Variants in GLI3 observed in about 807,000 individuals in gnomAD.
GLI3 encodes GLI family zinc finger 3, also known as transcription activator GLI3.
GLI3 carries 20 observed loss-of-function variants against 100.8 expected under a neutral mutation model. The ratio of observed to expected loss-of-function variants is 0.20; its 90% CI spans 0.14 to 0.29. The LOEUF (loss-of-function observed/expected upper bound fraction) is 0.29. Among genes scored for constraint, GLI3 ranks in the 10% least tolerant of loss-of-function variants. GLI3 has a pLI of 1.00. For synonymous variants in GLI3, 938 were observed against 860.5 expected (o/e 1.09, Z -1.58); for missense variants, 2,040 against 2,128.5 (o/e 0.96, Z 0.82).
At chr7:42,128,615 TA>T (rs1343542462) in intron 3 of GLI3, among the ~76,000 whole-genome samples, 1 of 152,104 alleles carries the variant, frequency 6.6e-6, no homozygotes, top group Admixed American at 6.5e-5. Context: ...TCTTAAAAAC[TA>T]AAAGTAAGAA....
Position 42,023,562 on chromosome 7 carries a change from T to C in GLI3, c.1403A>G (p.Asp468Gly), listed in dbSNP as rs768918002. ...TTLVKEEGDK[D>G]ESKQEPEVIY... ...GACTTCAGGCTCCTGTTTGCTTTCA[T>C]CTTTGTCCCCTTCCTCCTTGACAAG... The change falls in exon 10 of 15, where the codon GAT (aspartate) becomes GGT (glycine). Residue 468 changes from aspartate (D) to glycine (G), a missense_variant. Coordinates refer to ENST00000395925, the MANE Select transcript of GLI3 (RefSeq NM_000168.6). 2 of 1,613,896 alleles carry C rather than the reference T, an allele frequency of 1.2e-6. No individual in the cohort carries two copies. Among genetic ancestry groups the C allele is most frequent in the Non-Finnish European group, 1.7e-6 (2 of 1,179,900 alleles).
intron 10 of GLI3, among the ~76,000 whole-genome samples, chr7:42,014,624 G>A (rs922980399): frequency 1.3e-5 from 2 of 152,098 alleles, no homozygotes; most frequent in African/African-American, 4.8e-5. Context: ...TCCATGAGAT[G>A]TATCTTTCAT....
intron 7 of GLI3, among the ~76,000 whole-genome samples, chr7:42,039,363 T>G (rs1418568342): frequency 1.3e-5 from 2 of 152,214 alleles, no homozygotes; most frequent in African/African-American, 2.4e-5. Context: ...AAAACAGACA[T>G]GAGGTGCTTC....
At chr7:42,233,597 AATTTC>A (rs1406604149) in intron 1 of GLI3, among the ~76,000 whole-genome samples, 1 of 152,258 alleles carries the variant, frequency 6.6e-6, no homozygotes, top group Non-Finnish European at 1.5e-5. Flanking sequence ...CAAAGTGTGA[AATTTC>A]ATTTAAAGTC....
At chr7:42,101,924 G>C (rs1446697984) in intron 3 of GLI3, among the ~76,000 whole-genome samples, 1 of 143,434 alleles carries the variant, frequency 7.0e-6, no homozygotes, top group African/African-American at 2.8e-5. Flanking sequence ...CTATGAGTGA[G>C]AATATGCGGT....
intron 1 of GLI3, among the ~76,000 whole-genome samples, chr7:42,226,891 TAGTC>T (rs1788591693): frequency 6.6e-6 from 1 of 152,192 alleles, no homozygotes; most frequent in African/African-American, 2.4e-5. Context: ...TTTCAGGGAA[TAGTC>T]AGGAGCTTGG....
intron 3 of GLI3, among the ~76,000 whole-genome samples, chr7:42,091,496 C>G (rs1159507926): frequency 6.6e-6 from 1 of 152,258 alleles, no homozygotes; most frequent in Admixed American, 6.5e-5. Context: ...AACCCCACGA[C>G]GATGCTCTCT....
At chr7:42,205,248 T>C (rs943894085) in intron 2 of GLI3, among the ~76,000 whole-genome samples, 1 of 152,156 alleles carries the variant, frequency 6.6e-6, no homozygotes, top group African/African-American at 2.4e-5. Flanking sequence ...ACACATACCT[T>C]CTCTCTTTGA....
At chr7:42,080,124 A>G (rs907422772) in intron 3 of GLI3, among the ~76,000 whole-genome samples, 2 of 152,142 alleles carry the variant, frequency 1.3e-5, no homozygotes, top group African/African-American at 4.8e-5. Flanking sequence ...TCAGGGTTTA[A>G]ATTTTCTCTC....
At chr7:42,168,894 G>T (rs1305806945) in intron 2 of GLI3, among the ~76,000 whole-genome samples, 1 of 152,006 alleles carries the variant, frequency 6.6e-6, no homozygotes, top group African/African-American at 2.4e-5. Context: ...CTCCAGTCTG[G>T]ACAATGAAGT....
intron 1 of GLI3, among the ~76,000 whole-genome samples, chr7:42,231,544 A>T (rs1338909898): frequency 6.6e-6 from 1 of 152,190 alleles, no homozygotes; most frequent in Non-Finnish European, 1.5e-5. Context: ...ATGGAATTTC[A>T]TTGTAGTATC....
In GLI3 at chr7:41,972,386, T is replaced by C; in HGVS notation, c.2054A>G (p.Lys685Arg). ...TTTCACCTGGAGGCATTCTTCCCGCTTTGAGGTAGTGTTGCTGAGGTCCTG... is the reference window on the plus strand; with the variant it reads ...TTTCACCTGGAGGCATTCTTCCCGCCTTGAGGTAGTGTTGCTGAGGTCCTG... ...EQQDLSNTTS[K>R]REECLQVKTV... Residue 685 changes from lysine (K) to arginine (R), a missense_variant, in exon 13 of 15, where the codon AAG becomes AGG. Lys to Arg is a conservative substitution (Grantham distance 26). Coordinates refer to ENST00000395925, the MANE Select transcript of GLI3 (RefSeq NM_000168.6). The surrounding 1 kb of genome is among the most constrained non-coding windows in gnomAD (Gnocchi z 4.4). The C allele has an allele frequency of 6.2e-7, 1 of 1,614,026 alleles. No individual in the cohort carries two copies. The highest frequency in any genetic ancestry group is 8.5e-7 in the Non-Finnish European group (1 of 1,180,006).
chr7:42,154,818 C>A (rs1786961681), intron 2 of GLI3, among the ~76,000 whole-genome samples: 1 of 152,174 alleles, frequency 6.6e-6, no homozygotes, highest in Non-Finnish European at 1.5e-5. Flanking sequence ...GCTTGGCTTC[C>A]AAAGGGCGTG....
At chr7:42,124,826 A>C (rs1453759865) in intron 3 of GLI3, among the ~76,000 whole-genome samples, 1 of 152,222 alleles carries the variant, frequency 6.6e-6, no homozygotes, top group Non-Finnish European at 1.5e-5. Flanking sequence ...AGTCAGAAAT[A>C]AAATCTGCCA....
chr7:42,100,382 A>G (rs1785433247), intron 3 of GLI3, among the ~76,000 whole-genome samples: 1 of 152,228 alleles, frequency 6.6e-6, no homozygotes, highest in Non-Finnish European at 1.5e-5. Context: ...TGCAGAAGCA[A>G]TCAGGTTAGA....
chr7:42,095,886 AG>A (rs991307047), intron 3 of GLI3, among the ~76,000 whole-genome samples: 1 of 152,160 alleles, frequency 6.6e-6, no homozygotes, highest in African/African-American at 2.4e-5. Context: ...TGATATCTCC[AG>A]GGAAGGTACA....
chr7:42,112,184 A>T (rs1256307278), intron 3 of GLI3, among the ~76,000 whole-genome samples: 2 of 152,162 alleles, frequency 1.3e-5, no homozygotes, highest in African/African-American at 2.4e-5. Context: ...TTTTTCTCCA[A>T]ATGCATTATG....
At chr7:42,142,446 G>A (rs1786591822) in intron 3 of GLI3, among the ~76,000 whole-genome samples, 1 of 152,088 alleles carries the variant, frequency 6.6e-6, no homozygotes, top group African/African-American at 2.4e-5. Context: ...TGACCTGGGT[G>A]GTCTTCAAGC....
intron 2 of GLI3, among the ~76,000 whole-genome samples, chr7:42,174,872 C>T (rs924077298): frequency 6.6e-6 from 1 of 152,152 alleles, no homozygotes; most frequent in Non-Finnish European, 1.5e-5. Flanking sequence ...ATCTGTAAAA[C>T]GTGGAAACAG....
Sources: allele counts gnomAD v4.1 joint callset (sites outside exome capture counted in the v4.1 genomes callset), GRCh38; gene constraint gnomAD v4.1.1; non-coding constraint Gnocchi (gnomAD v3.1); transcripts MANE v1.5; gene names NCBI Gene and HGNC (gene_info 2026-07-23, HGNC 2026-07-21).